The following TASP1 variants were observed in gnomAD, a reference collection of about 807,000 sequenced individuals.
TASP1 encodes the protein taspase 1.
In TASP1, 16 loss-of-function variants were observed where a neutral mutation model predicts 56.6. That is an observed-to-expected ratio of 0.28 (90% confidence interval 0.19 to 0.43). TASP1 has a LOEUF of 0.43. Ranked by LOEUF, TASP1 falls within the 20% of genes least tolerant of loss-of-function variation. The pLI, the probability that TASP1 is intolerant of heterozygous loss-of-function variation, is 1.00. For synonymous variants in TASP1, 179 were observed against 184.2 expected, an observed-to-expected ratio of 0.97 and a Z score of 0.23; for missense variants, 393 against 511.6, an observed-to-expected ratio of 0.77 and a Z score of 2.24.
At chr20:13,553,220 C>CA (rs947049857) in intron 8 of TASP1, among the ~76,000 whole-genome samples, 44 of 152,292 alleles carry the variant, frequency 2.9e-4, no homozygotes, top group African/African-American at 8.4e-4. Context: ...ACTGGGATGA[C>CA]AGGTGTGAGT....
chr20:13,207,443 C>T, the TASP1 span, among the ~76,000 whole-genome samples: 1 of 152,190 alleles, frequency 6.6e-6, no homozygotes, highest in Non-Finnish European at 1.5e-5. Context: ...CAGACACAGT[C>T]ACAGACACAG....
chr20:13,417,417 T>A, intron 13 of TASP1, 31 bp downstream of exon 13: 1 of 1,613,190 alleles, frequency 6.2e-7, no homozygotes, highest in South Asian at 1.1e-5. Context: ...GCTACAAGGT[T>A]TTCAGGTTAT....
At chr20:13,510,938 T>C (rs1296267834) in intron 10 of TASP1, among the ~76,000 whole-genome samples, 1 of 152,168 alleles carries the variant, frequency 6.6e-6, no homozygotes, top group Non-Finnish European at 1.5e-5. Flanking sequence ...GGCCACCACC[T>C]ACACATCTAC....
chr20:13,330,021 A>G, the TASP1 span, among the ~76,000 whole-genome samples: 1 of 151,932 alleles, frequency 6.6e-6, no homozygotes, highest in Admixed American at 6.6e-5. Flanking sequence ...CAGTGACACA[A>G]TCTCAACTCA....
chr20:13,270,988 C>T, the TASP1 span, among the ~76,000 whole-genome samples: 2 of 152,122 alleles, frequency 1.3e-5, no homozygotes, highest in African/African-American at 2.4e-5. Flanking sequence ...TAAAGTATGA[C>T]ACACCAAGGA....
At chr20:13,211,487 A>G in the TASP1 span, among the ~76,000 whole-genome samples, 3 of 152,144 alleles carry the variant, frequency 2.0e-5, no homozygotes, top group South Asian at 4.1e-4. Context: ...GGATTTCTCT[A>G]GTCTAGGGAT....
the TASP1 span, among the ~76,000 whole-genome samples, chr20:13,106,290 C>T: frequency 2.0e-5 from 3 of 152,118 alleles, no homozygotes; most frequent in Non-Finnish European, 4.4e-5. Context: ...GAGCCTAGTA[C>T]TGTGTACTAA....
At chr20:13,237,055 T>C in the TASP1 span, among the ~76,000 whole-genome samples, 1 of 152,202 alleles carries the variant, frequency 6.6e-6, no homozygotes, top group African/African-American at 2.4e-5. Context: ...GTGTGGGGGC[T>C]CCGGTCCCAC....
intron 9 of TASP1, among the ~76,000 whole-genome samples, chr20:13,532,620 A>G (rs6109927): frequency 0.25 from 38,605 of 152,176 alleles, 6,062 homozygotes; most frequent in Non-Finnish European, 0.34. Context: ...TCTTTTGCTC[A>G]GGACAGTTCT....
chr20:13,501,063 G>T (rs2146643535), intron 10 of TASP1, among the ~76,000 whole-genome samples: 1 of 152,118 alleles, frequency 6.6e-6, no homozygotes, highest in South Asian at 2.1e-4. Flanking sequence ...AAAAGATAGT[G>T]GGATGACATT....
At chr20:13,466,937 G>A (rs2044281736) in intron 11 of TASP1, among the ~76,000 whole-genome samples, 1 of 152,020 alleles carries the variant, frequency 6.6e-6, no homozygotes, top group Non-Finnish European at 1.5e-5. Flanking sequence ...GGTAGGCAAA[G>A]CAGACTTGTC....
intron 10 of TASP1, among the ~76,000 whole-genome samples, chr20:13,491,440 C>T (rs1021136201): frequency 1.3e-5 from 2 of 152,152 alleles, no homozygotes; most frequent in African/African-American, 4.8e-5. Flanking sequence ...GGATTTGGCC[C>T]CATTCACTTC....
intron 13 of TASP1, among the ~76,000 whole-genome samples, chr20:13,406,745 C>T (rs1250400851): frequency 6.7e-6 from 1 of 149,002 alleles, no homozygotes; most frequent in Non-Finnish European, 1.5e-5. Context: ...CTGCTCACTA[C>T]AAGCTCTGCC....
chr20:13,141,553 G>C, the TASP1 span, among the ~76,000 whole-genome samples: 2 of 152,110 alleles, frequency 1.3e-5, no homozygotes, highest in African/African-American at 2.4e-5. Flanking sequence ...GTCCCTCAAT[G>C]AAAACAAGAG....
chr20:13,216,459 T>C, the TASP1 span, among the ~76,000 whole-genome samples: 1 of 152,206 alleles, frequency 6.6e-6, no homozygotes, highest in South Asian at 2.1e-4. Flanking sequence ...GAAATTTTAT[T>C]AAAACACAGC....
intron 10 of TASP1, among the ~76,000 whole-genome samples, chr20:13,499,060 A>T (rs2043845173): frequency 6.6e-6 from 1 of 152,210 alleles, no homozygotes; most frequent in Non-Finnish European, 1.5e-5. Flanking sequence ...ACATAGAATC[A>T]ACCGAGGTGC....
the TASP1 span, among the ~76,000 whole-genome samples, chr20:13,115,389 G>A: frequency 6.6e-6 from 1 of 152,048 alleles, no homozygotes. Context: ...AAACCAGGTG[G>A]GCAGGCTCCT....
chr20:13,409,745 G>A (rs748552436), intron 13 of TASP1, among the ~76,000 whole-genome samples: 61 of 151,734 alleles, frequency 4.0e-4, no homozygotes, highest in Non-Finnish European at 7.7e-4. Flanking sequence ...GTGATACTTT[G>A]TTTCATGCAC....
At chr20:13,423,933 C>T (rs554720214) in intron 12 of TASP1, among the ~76,000 whole-genome samples, 20 of 152,280 alleles carry the variant, frequency 1.3e-4, no homozygotes, top group East Asian at 3.9e-4. Flanking sequence ...TAGTCTAAAA[C>T]GTCCAATTTG....
Sources: allele counts gnomAD v4.1 joint callset (sites outside exome capture counted in the v4.1 genomes callset), GRCh38; gene constraint gnomAD v4.1.1; transcripts MANE v1.5; gene names NCBI Gene and HGNC (gene_info 2026-07-23, HGNC 2026-07-21).